Variants in PPM1A observed in about 807,000 individuals in gnomAD.
PPM1A encodes protein phosphatase 1A.
In PPM1A, 7 loss-of-function variants were observed where a neutral mutation model predicts 35.0. That is an observed-to-expected ratio of 0.20 (90% CI 0.11 to 0.38). PPM1A has a LOEUF of 0.38. Ranked by LOEUF, PPM1A falls within the 10% of genes least tolerant of loss-of-function variation. PPM1A has a pLI of 1.00. For synonymous variants in PPM1A, 153 were observed against 167.3 expected (o/e 0.91, Z 0.66); for missense variants, 239 against 467.8 (o/e 0.51, Z 4.51).
intron 1 of PPM1A, chr14:60,256,826 A>G (rs1312373644): frequency 1.3e-5 from 2 of 152,218 alleles, no homozygotes; most frequent in Non-Finnish European, 2.9e-5. Context: ...CTTTGCAGAA[A>G]TAATTTGTTG....
chr14:60,249,376 C>G lies in PPM1A; in HGVS notation c.-322C>G, dbSNP rs1053987369. ...TTGGGGAGGGGGGGGTGGGGGGACT[C>G]TAGACAGCTGAGGCGCGAAAGCGAT... On this transcript the variant is annotated 5_prime_UTR_variant, in exon 1 of 6. Transcript: ENST00000395076. This position sits in a 1 kb window ranked among gnomAD's most constrained non-coding sequence, Gnocchi z 4.5. 1.6e-5 allele frequency: 16 copies of G among 984,352 alleles called. No homozygotes were observed. In the African/African-American group the frequency reaches 2.5e-4, roughly 15 times the overall value. 61.0% of individuals were successfully genotyped at this position (984,352 alleles called of 1,614,324 possible). A position where few individuals can be genotyped will look rare whatever the true frequency, so the allele number is the denominator to read the frequency against.
rs1887854353 is a variant in PPM1A at position 60,293,787 on chromosome 14, T to C, written c.*1305T>C. On this transcript the variant is annotated 3_prime_UTR_variant, in exon 6 of 6. Coordinates refer to ENST00000395076, the MANE Select transcript of PPM1A (RefSeq NM_021003.5). The surrounding 1 kb of genome is among the most constrained non-coding windows in gnomAD (Gnocchi z 4.0). Reference sequence around the variant, plus strand: ...GATTTGAAATATAGCATGTTGATAATATTTAGCTGTTGGCCTTTACAAATA... The same window carrying C: ...GATTTGAAATATAGCATGTTGATAACATTTAGCTGTTGGCCTTTACAAATA... 6.6e-6 allele frequency: 1 copy of C among 151,932 alleles called. No individual in the cohort carries two copies. The highest frequency in any genetic ancestry group is 1.5e-5 in the Non-Finnish European group (1 of 67,880). The allele number at this position is 151,932 out of a possible 1,614,324, so 9.4% of individuals were successfully genotyped here. A position where few individuals can be genotyped will look rare whatever the true frequency, so the allele number is the denominator to read the frequency against.
rs184971063 is a variant in PPM1A, at chr14:60,281,570, A to C, written c.-20-1114A>C. ...TACTACCTAACTCCTCTTCACCTCC[A>C]TTAAATCTCTGTTCATCATGCTATC... On this transcript the variant is annotated intron_variant, in intron 1 of 5. Transcript: ENST00000395076. Among the ~76,000 whole-genome samples, 156 of 152,260 alleles carry C rather than the reference A, an allele frequency of 1.0e-3. 1 individual carries two copies. The highest frequency in any genetic ancestry group is 2.0e-3 in the Non-Finnish European group (135 of 68,014).
rs1403793667 is a variant in PPM1A at position 60,249,330 on chromosome 14, C to T, written c.-368C>T. On this transcript the variant is annotated 5_prime_UTR_variant, in exon 1 of 6. Coordinates refer to ENST00000395076, the MANE Select transcript of PPM1A (RefSeq NM_021003.5). The surrounding 1 kb of genome is among the most constrained non-coding windows in gnomAD (Gnocchi z 4.5). ...CCCGCAGCTTCGGGTCCTCAGGCGG[C>T]TGTTGCTCCGGAACGGGTGGTTGGG... The T allele has an allele frequency of 6.5e-4, 562 of 868,880 alleles. 11 individuals carry two copies. The highest frequency in any genetic ancestry group is 1.2e-3 in the Middle Eastern group (2 of 1,610). The allele number at this position is 868,880 out of a possible 1,614,324, so 53.8% of individuals were successfully genotyped here.
rs1007119249 is a variant in PPM1A at position 60,292,697 on chromosome 14, C to G, written c.*215C>G. On this transcript the variant is annotated 3_prime_UTR_variant, in exon 6 of 6. Transcript: ENST00000395076. The surrounding 1 kb of genome is among the most constrained non-coding windows in gnomAD (Gnocchi z 4.2). ...TTTGAGACTTATGTAAGCGTGATTTCAAACCATAATTCGTGTTGTAAATCA... is the reference window on the plus strand; with the variant it reads ...TTTGAGACTTATGTAAGCGTGATTTGAAACCATAATTCGTGTTGTAAATCA... 1 of 382,660 alleles carries G rather than the reference C, an allele frequency of 2.6e-6. No homozygotes were observed. The highest frequency in any genetic ancestry group is 2.2e-5 in the African/African-American group (1 of 44,734). The allele number at this position is 382,660 out of a possible 1,614,324, so 23.7% of individuals were successfully genotyped here. A position where few individuals can be genotyped will look rare whatever the true frequency, so the allele number is the denominator to read the frequency against.
At position 60,291,461 on chromosome 14, in the gene PPM1A, A is replaced by G; in HGVS notation, c.1119+7A>G. On this transcript the variant is annotated splice_region_variant and intron_variant, in intron 5 of 5. Transcript: ENST00000395076. Reference sequence around the variant, plus strand: ...TTACAAAAATGACGACACTGTAAGTAGCATTTTAGCTCCCTCTGCTTTCCC... The same window carrying G: ...TTACAAAAATGACGACACTGTAAGTGGCATTTTAGCTCCCTCTGCTTTCCC... 1 of 1,569,570 alleles carries G rather than the reference A, an allele frequency of 6.4e-7. No individual in the cohort carries two copies. The highest frequency in any genetic ancestry group is 8.7e-7 in the Non-Finnish European group (1 of 1,150,238).
At chr14:60,264,574 G>T (rs1461573649) in intron 1 of PPM1A, among the ~76,000 whole-genome samples, 1 of 152,086 alleles carries the variant, frequency 6.6e-6, no homozygotes, top group Non-Finnish European at 1.5e-5. Flanking sequence ...TAAGTATGTT[G>T]TTTTATCCAT....
intron 3 of PPM1A, chr14:60,286,453 C>T (rs1887020326): frequency 2.0e-6 from 2 of 985,066 alleles, no homozygotes; most frequent in Non-Finnish European, 2.4e-6. Context: ...TGCAGTTTCT[C>T]TAAGTGGAAA....
Position 60,287,015 on chromosome 14 carries a change from A to T in PPM1A, c.952+1274A>T, listed in dbSNP as rs980413200. ...GGTTCAAACTATTGATTCATGGGAAAATTTAAATTCATAAGAATAATATGT... is the reference window on the plus strand; with the variant it reads ...GGTTCAAACTATTGATTCATGGGAATATTTAAATTCATAAGAATAATATGT... On this transcript the variant is annotated intron_variant, in intron 3 of 5. Transcript: ENST00000395076. 3.8e-5 allele frequency: 35 copies of T among 919,034 alleles called. No individual in the cohort carries two copies. The African/African-American group carries it at 5.6e-4, about 15-fold the overall frequency. The allele number at this position is 919,034 out of a possible 1,614,324, so 56.9% of individuals were successfully genotyped here.
chr14:60,257,892 T>G (rs536263594), intron 1 of PPM1A, among the ~76,000 whole-genome samples: 1 of 152,310 alleles, frequency 6.6e-6, no homozygotes, highest in African/African-American at 2.4e-5. Context: ...CAGTATGCCA[T>G]CATACCTCAG....
chr14:60,285,664 C>T lies in PPM1A; in HGVS notation c.875C>T (p.Pro292Leu). Residue 292 changes from proline (P) to leucine (L), a missense_variant, in exon 3 of 6, where the codon CCA (proline) becomes CTA (leucine). Physicochemically the swap from Pro to Leu is moderately conservative, Grantham distance 98. This residue lies in a region of PPM1A where 175 missense variants were observed against 389.2 expected (regional missense o/e 0.45). Coordinates refer to ENST00000395076, the MANE Select transcript of PPM1A (RefSeq NM_021003.5). ...ATGAGTGTGATTTTGATCTGTTTTC[C>T]AAATGCACCCAAAGTATCGCCAGAA... Reference protein sequence around the residue: ...DNMSVILICFPNAPKVSPEAV... With the variant: ...DNMSVILICFLNAPKVSPEAV... The T allele has an allele frequency of 6.2e-7, 1 of 1,613,810 alleles. No individual in the cohort carries two copies. The highest frequency in any genetic ancestry group is 8.5e-7 in the Non-Finnish European group (1 of 1,179,860).
At chr14:60,264,348 T>A (rs1884130038) in intron 1 of PPM1A, among the ~76,000 whole-genome samples, 1 of 152,190 alleles carries the variant, frequency 6.6e-6, no homozygotes, top group African/African-American at 2.4e-5. Context: ...GGTAGTTTTT[T>A]AAAAGATTTC....
Position 60,294,519 on chromosome 14 carries a change from A to G in PPM1A, c.*2037A>G, listed in dbSNP as rs1486646910. On this transcript the variant is annotated 3_prime_UTR_variant, in exon 6 of 6. Coordinates refer to ENST00000395076, the MANE Select transcript of PPM1A (RefSeq NM_021003.5). ...GCTTCTAGTATAGACTAATTACCAG[A>G]CATACTGGTACTGAAAGCTAAATCC... is the stretch of plus-strand genomic sequence containing the variant. 6.6e-6 allele frequency: 1 copy of G among 151,898 alleles called. No individual in the cohort carries two copies. Among genetic ancestry groups the G allele is most frequent in the East Asian group, 1.9e-4 (1 of 5,196 alleles). 9.4% of individuals were successfully genotyped at this position (151,898 alleles called of 1,614,324 possible).
rs1284236037 is a variant in PPM1A, at chr14:60,287,163, AATGAAT to A, written c.952+1423_952+1428del. ...CTATGAAATGGGATCCAATTTTAGA[AATGAAT>A]TGCTACTTTTCTCTTTAGTGTGTAC... On this transcript the variant is annotated intron_variant, in intron 3 of 5. Coordinates refer to ENST00000395076, the MANE Select transcript of PPM1A (RefSeq NM_021003.5). The A allele has an allele frequency of 3.2e-6, 3 of 940,618 alleles. No individual in the cohort carries two copies. In the African/African-American group the frequency reaches 5.3e-5, roughly 17 times the overall value. 58.3% of individuals were successfully genotyped at this position (940,618 alleles called of 1,614,324 possible). A position where few individuals can be genotyped will look rare whatever the true frequency, so the allele number is the denominator to read the frequency against.
intron 3 of PPM1A, chr14:60,286,430 AGT>A: frequency 3.0e-6 from 3 of 985,310 alleles, no homozygotes; most frequent in Non-Finnish European, 3.6e-6. Context: ...TATGCAGTAA[AGT>A]GTATATATTA....
At chr14:60,267,919 A>C (rs1884583173) in intron 1 of PPM1A, among the ~76,000 whole-genome samples, 2 of 152,122 alleles carry the variant, frequency 1.3e-5, no homozygotes, top group Non-Finnish European at 2.9e-5. Flanking sequence ...TATGGACATC[A>C]TGAACCTTTA....
rs1887442739 is a variant in PPM1A, at chr14:60,289,849, T to A, written c.996T>A (p.His332Gln). ...GGGAAGGCGTCCCCGACTTAGTCCA[T>A]GTGATGCGCACATTAGCGAGTGAGA... ...KQGEGVPDLV[H>Q]VMRTLASENI... The change falls in exon 4 of 6, where the codon CAT becomes CAA. Residue 332 changes from histidine (H) to glutamine (Q), a missense_variant. Around this residue, in one of 2 missense-constraint regions of PPM1A, gnomAD observed 64 missense variants for 78.6 expected, o/e 0.81. Transcript: ENST00000395076. This position sits in a 1 kb window ranked among gnomAD's most constrained non-coding sequence, Gnocchi z 4.1. 1 of 1,602,242 alleles carries A rather than the reference T, an allele frequency of 6.2e-7. No homozygotes were observed.
chr14:60,277,178 C>A (rs183416861), intron 1 of PPM1A: 2 of 324,490 alleles, frequency 6.2e-6, no homozygotes, highest in Non-Finnish European at 9.7e-6. Context: ...TATGGATATA[C>A]GCCAATTTAA....
intron 1 of PPM1A, among the ~76,000 whole-genome samples, chr14:60,260,079 TTTTAA>T (rs1441000570): frequency 4.6e-5 from 7 of 152,104 alleles, no homozygotes; most frequent in African/African-American, 1.7e-4. Context: ...GTTTGAGTAC[TTTTAA>T]TTTAGCAAAG....
Sources: allele counts gnomAD v4.1 joint callset (sites outside exome capture counted in the v4.1 genomes callset), GRCh38; gene constraint gnomAD v4.1.1; regional missense constraint gnomAD v4.1.1; non-coding constraint Gnocchi (gnomAD v3.1); transcripts MANE v1.5; gene names NCBI Gene and HGNC (gene_info 2026-07-23, HGNC 2026-07-21).